Variants in ZNF875 observed in about 807,000 individuals in gnomAD.
ZNF875 encodes the protein HKR1, GLI-Kruppel zinc finger family member.
A neutral mutation model predicts 11.2 loss-of-function variants in ZNF875; 14 were observed. The observed-to-expected ratio is 1.26, with a 90% CI of 0.83 to 1.96. The LOEUF is 1.96. Among genes scored for constraint, ZNF875 ranks in the 30% most tolerant of loss-of-function variants. The pLI is 0.00. For synonymous variants in ZNF875, 301 were observed against 281.1 expected, an observed-to-expected ratio of 1.07 and a Z score of -0.71; for missense variants, 752 against 760.4, an observed-to-expected ratio of 0.99 and a Z score of 0.13.
At position 37,362,971 on chromosome 19, in the gene ZNF875, T is replaced by C. The variant is rs772258844; in HGVS notation, c.1119T>C (p.Arg373=). 3.7e-6 allele frequency: 6 copies of C among 1,611,944 alleles called. No individual in the cohort carries two copies. The East Asian group carries it at 9.0e-5, about 24-fold the overall frequency. ...CTTATGTTTGCAGGGAATGTGGGCG[T>C]GGCTTTCGCCAGCATTCACACCTGG... ...EKPYVCRECG[R]GFRQHSHLVR... The change falls in exon 5 of 5, where the codon CGT becomes CGC. Residue 373 remains arginine (R), a synonymous_variant. Coordinates refer to ENST00000392153, the MANE Select transcript of ZNF875 (RefSeq NM_001353803.2).
At chr19:37,321,584 T>C (rs923807807) in intron 1 of ZNF875, among the ~76,000 whole-genome samples, 2 of 152,108 alleles carry the variant, frequency 1.3e-5, no homozygotes, top group Non-Finnish European at 1.5e-5. Flanking sequence ...CCACTTTTCT[T>C]TCTCTATACT....
chr19:37,346,749 G>T (rs903378745), intron 2 of ZNF875: 1 of 194,432 alleles, frequency 5.1e-6, no homozygotes, highest in African/African-American at 2.4e-5. Flanking sequence ...AATGATGCTG[G>T]CTCGGCAGAG....
At chr19:37,362,035 T>A (rs1389004691) in intron 4 of ZNF875, 74 bp from the exon 5 acceptor site, 4 of 821,942 alleles carry the variant, frequency 4.9e-6, no homozygotes, top group East Asian at 2.4e-5. Context: ...ATATTATGAA[T>A]GACCAGTGGG....
chr19:37,329,828 GCTCT>G (rs762196249), upstream of ZNF875, among the ~76,000 whole-genome samples: 3 of 151,880 alleles, frequency 2.0e-5, no homozygotes, highest in Admixed American at 6.6e-5. Context: ...TTTCCTGGAT[GCTCT>G]CTCTCTCTGG....
chr19:37,363,138 G>T lies in ZNF875; in HGVS notation c.1286G>T (p.Arg429Leu), dbSNP rs2921563. ...EKPYVCTECGRHFSWKSNLKT... is the reference protein window; with the variant it reads ...EKPYVCTECGLHFSWKSNLKT... ...CCTTATGTATGCACAGAATGTGGGC[G>T]TCACTTTAGCTGGAAATCAAACCTC... Residue 429 changes from arginine (R) to leucine (L), a missense_variant, in exon 5 of 5, where the codon CGT becomes CTT. Transcript: ENST00000392153. 6.2e-7 allele frequency: 1 copy of T among 1,613,684 alleles called. No homozygotes were observed. The highest frequency in any genetic ancestry group is 1.7e-5 in the Admixed American group (1 of 60,000).
At chr19:37,334,513 G>A, upstream of ZNF875, 1 of 355,192 alleles carries the variant, frequency 2.8e-6, no homozygotes, top group Non-Finnish European at 5.6e-6. Flanking sequence ...GCGCTGTGCA[G>A]ATGTCAGTCA....
intron 2 of ZNF875, among the ~76,000 whole-genome samples, chr19:37,323,375 C>G (rs779210311): frequency 6.6e-6 from 1 of 151,982 alleles, no homozygotes; most frequent in Non-Finnish European, 1.5e-5. Flanking sequence ...AGGCTGGTCT[C>G]GAACTCCTGA....
chr19:37,363,946 C>A lies in ZNF875; in HGVS notation c.*171C>A. ...GACTGTACTGGTAAGACTTGTATCT[C>A]CATCCACCTGAAGGAGAATTGCTGG... On this transcript the variant is annotated 3_prime_UTR_variant, in exon 5 of 5. Coordinates refer to ENST00000392153, the MANE Select transcript of ZNF875 (RefSeq NM_001353803.2). 1.7e-6 allele frequency: 1 copy of A among 600,436 alleles called. No homozygotes were observed. Among genetic ancestry groups the A allele is most frequent in the South Asian group, 2.3e-5 (1 of 44,432 alleles). 37.2% of individuals were successfully genotyped at this position (600,436 alleles called of 1,614,324 possible).
At chr19:37,317,535 G>A (rs1200215806), upstream of ZNF875, among the ~76,000 whole-genome samples, 3 of 152,232 alleles carry the variant, frequency 2.0e-5, no homozygotes, top group Non-Finnish European at 2.9e-5. Context: ...TGTTCACCGG[G>A]AGGTGGGCAT....
chr19:37,359,323 C>T, intron 4 of ZNF875: 1 of 169,970 alleles, frequency 5.9e-6, no homozygotes, highest in South Asian at 1.1e-4. Context: ...GTCCTCCCAT[C>T]AGAGGAAACC....
chr19:37,349,671 T>A (rs1311121979), intron 4 of ZNF875, among the ~76,000 whole-genome samples: 1 of 152,138 alleles, frequency 6.6e-6, no homozygotes, highest in Admixed American at 6.5e-5. Flanking sequence ...TTTTTTTTTA[T>A]TGAGATGGAG....
Position 37,363,549 on chromosome 19 carries a change from G to A in ZNF875, c.1697G>A (p.Gly566Glu), listed in dbSNP as rs1206832650. 1 of 1,613,024 alleles carries A rather than the reference G, an allele frequency of 6.2e-7. No homozygotes were observed. The highest frequency in any genetic ancestry group is 1.3e-5 in the African/African-American group (1 of 74,786). ...GGTGCCTTTGTGTGCAGGGAGTGTG[G>A]GCAAGGCTTTTGTGCTAAGTTAACT... ...HSGAFVCREC[G>E]QGFCAKLTLI... The change falls in exon 5 of 5, where the codon GGG (glycine) becomes GAG (glutamate). Residue 566 changes from glycine (G) to glutamate (E), a missense_variant. Physicochemically the swap from Gly to Glu is moderately conservative, Grantham distance 98. Transcript: ENST00000392153.
At chr19:37,322,849 G>A (rs985568336) in intron 2 of ZNF875, among the ~76,000 whole-genome samples, 25 of 152,252 alleles carry the variant, frequency 1.6e-4, no homozygotes, top group Non-Finnish European at 2.4e-4. Context: ...CATCTCACCC[G>A]ATCTGGTGTA....
rs917265445 is a variant in ZNF875, at chr19:37,350,907, C to T, written c.256+3035C>T. Among the ~76,000 whole-genome samples the T allele has an allele frequency of 9.4e-5, 14 of 148,388 alleles. No individual in the cohort carries two copies. The South Asian group carries it at 1.3e-3, about 14-fold the overall frequency. On this transcript the variant is annotated intron_variant, in intron 4 of 4. Coordinates refer to ENST00000392153, the MANE Select transcript of ZNF875 (RefSeq NM_001353803.2). ...GCAACCTCGGCCTACTGGACTCAAGCGATTCTCCTGCCTCAGCCTCCTGAG... is the reference window on the plus strand; with the variant it reads ...GCAACCTCGGCCTACTGGACTCAAGTGATTCTCCTGCCTCAGCCTCCTGAG...
chr19:37,339,077 C>T (rs369866945), intron 2 of ZNF875, among the ~76,000 whole-genome samples: 27 of 151,986 alleles, frequency 1.8e-4, no homozygotes, highest in Admixed American at 1.3e-3. Context: ...GTGCAGAACA[C>T]TCAGTAGATT....
At chr19:37,348,973 G>A (rs2037348120) in intron 4 of ZNF875, among the ~76,000 whole-genome samples, 1 of 152,194 alleles carries the variant, frequency 6.6e-6, no homozygotes, top group Non-Finnish European at 1.5e-5. Flanking sequence ...GAGGCTAGAA[G>A]TAGAGATGAA....
chr19:37,317,490 TAAC>T (rs781693461), upstream of ZNF875, among the ~76,000 whole-genome samples: 61 of 152,354 alleles, frequency 4.0e-4, no homozygotes, highest in Middle Eastern at 3.4e-3. Context: ...TGTTTTTTGA[TAAC>T]AAGACTGGCG....
At position 37,347,815 on chromosome 19, in the gene ZNF875, G is replaced by C; in HGVS notation, c.199G>C (p.Glu67Gln). ...TAAACCAAAACTCATTGCTCAGCTG[G>C]AGCGAGGGGAAGCGCCCTGGAGAGA... is the stretch of plus-strand genomic sequence containing the variant. Reference protein sequence around the residue: ...SSKPKLIAQLERGEAPWREER... With the variant: ...SSKPKLIAQLQRGEAPWREER... The change falls in exon 4 of 5, where the codon GAG (glutamate) becomes CAG (glutamine). Residue 67 changes from glutamate to glutamine, a missense_variant. Glu to Gln is a conservative substitution (Grantham distance 29). Coordinates refer to ENST00000392153, the MANE Select transcript of ZNF875 (RefSeq NM_001353803.2). 1 of 1,613,644 alleles carries C rather than the reference G, an allele frequency of 6.2e-7. No homozygotes were observed. The highest frequency in any genetic ancestry group is 1.1e-5 in the South Asian group (1 of 91,066).
chr19:37,336,562 G>A (rs1270959869), intron 2 of ZNF875, among the ~76,000 whole-genome samples: 1 of 150,846 alleles, frequency 6.6e-6, no homozygotes, highest in Non-Finnish European at 1.5e-5. Flanking sequence ...GCCTCCCAAA[G>A]TGCTGGGATT....
Sources: gnomAD v4.1 joint callset for allele counts (sites outside exome capture counted in the v4.1 genomes callset) on GRCh38, gnomAD v4.1.1 for gene constraint, MANE v1.5 for transcripts, NCBI Gene and HGNC (gene_info 2026-07-23, HGNC 2026-07-21) for gene names.